Variants in TFCP2 observed in about 807,000 individuals in gnomAD.
The protein encoded by TFCP2 is transcription factor CP2, also known as alpha-globin transcription factor CP2.
In TFCP2, 33 loss-of-function variants were observed where a neutral mutation model predicts 73.4. That is an observed-to-expected ratio of 0.45 (90% CI 0.34 to 0.60). The LOEUF (loss-of-function observed/expected upper bound fraction) is 0.60. Among genes scored for constraint, TFCP2 ranks in the 20% least tolerant of loss-of-function variants. TFCP2 has a pLI of 0.01. For synonymous variants in TFCP2, 193 were observed against 211.6 expected, an observed-to-expected ratio of 0.91 and a Z score of 0.76; for missense variants, 352 against 604.0, an observed-to-expected ratio of 0.58 and a Z score of 4.37.
chr12:51,098,804 G>A lies in TFCP2; in HGVS notation c.1391C>T (p.Thr464Ile). The A allele has an allele frequency of 1.2e-6, 2 of 1,614,116 alleles. No individual in the cohort carries two copies. The highest frequency in any genetic ancestry group is 2.2e-5 in the East Asian group (1 of 44,874). ...QISQIYKQGP[T>I]GIHVLISDEM... is the part of the protein sequence containing the mutation. ...ATCACTGATGAGCACATGAATTCCT[G>A]TTGGCCCCTGCTTGTAAATCTGGCT... Residue 464 changes from threonine (T) to isoleucine (I), a missense_variant, in exon 13 of 15, where the codon ACA becomes ATA. Physicochemically the swap from Thr to Ile is moderately conservative, Grantham distance 89 (BLOSUM62 -1). Around this residue, in one of 6 missense-constraint regions of TFCP2, gnomAD observed 194 missense variants for 256.3 expected, o/e 0.76. Transcript: ENST00000257915.
chr12:51,100,534 G>A (rs1940084708), intron 11 of TFCP2, among the ~76,000 whole-genome samples: 1 of 152,132 alleles, frequency 6.6e-6, no homozygotes, highest in African/African-American at 2.4e-5. Flanking sequence ...AAACAAATAT[G>A]ACCAGGCACG....
rs1356439023 is a variant in TFCP2 at position 51,128,491 on chromosome 12, AAC to A, written c.123-9721_123-9720del. ...AAAGTATAATAATAAAAAAAAAAAA[AAC>A]AAAAAAAACAAACTAGTATTGGGAA... On this transcript the variant is annotated intron_variant, in intron 1 of 14. Transcript: ENST00000257915. 4.9e-3 allele frequency among the ~76,000 whole-genome samples: 736 copies of A among 149,354 alleles called. 5 individuals are homozygous for A. The highest frequency in any genetic ancestry group is 0.017 in the African/African-American group (679 of 40,606).
chr12:51,159,112 G>C (rs764696581), intron 1 of TFCP2, among the ~76,000 whole-genome samples: 125 of 148,398 alleles, frequency 8.4e-4, no homozygotes, highest in Middle Eastern at 6.9e-3. Flanking sequence ...TCAGGAGGCG[G>C]AGGTTGCAGT....
intron 7 of TFCP2, 42 bp from the exon 8 acceptor site, chr12:51,106,655 G>T: frequency 1.3e-6 from 2 of 1,520,392 alleles, no homozygotes; most frequent in Non-Finnish European, 1.8e-6. Context: ...GAGCACATAT[G>T]ACCCCAGGAT....
chr12:51,150,512 A>G (rs1031515407), intron 1 of TFCP2, among the ~76,000 whole-genome samples: 2 of 152,204 alleles, frequency 1.3e-5, no homozygotes, highest in African/African-American at 2.4e-5. Context: ...CGTTTGCAGC[A>G]AAACAGGGCG....
intron 4 of TFCP2, among the ~76,000 whole-genome samples, chr12:51,113,936 C>T (rs530321543): frequency 7.2e-5 from 11 of 152,074 alleles, no homozygotes; most frequent in Middle Eastern, 3.4e-3. Flanking sequence ...TATACAAACA[C>T]GAACTCAAAA....
At chr12:51,111,398 G>A (rs975831083) in intron 4 of TFCP2, among the ~76,000 whole-genome samples, 24 of 151,838 alleles carry the variant, frequency 1.6e-4, no homozygotes, top group Non-Finnish European at 2.8e-4. Flanking sequence ...CACCCACCTT[G>A]GCCTCCTAAA....
chr12:51,127,962 C>T (rs1940849613), intron 1 of TFCP2, among the ~76,000 whole-genome samples: 1 of 151,270 alleles, frequency 6.6e-6, no homozygotes, highest in South Asian at 2.1e-4. Flanking sequence ...CTCTGTTGTC[C>T]AAGAGGGAGT....
chr12:51,148,739 T>C (rs568866072), intron 1 of TFCP2, among the ~76,000 whole-genome samples: 1 of 146,952 alleles, frequency 6.8e-6, no homozygotes, highest in East Asian at 2.0e-4. Context: ...AAATGTGGTA[T>C]ATAGGCCAGG....
chr12:51,126,299 T>A, intron 1 of TFCP2, among the ~76,000 whole-genome samples: 1 of 145,408 alleles, frequency 6.9e-6, no homozygotes, highest in South Asian at 2.2e-4. Context: ...ATAAGTTGAG[T>A]GTATGTTAAA....
chr12:51,102,782 C>A (rs1448429596), intron 10 of TFCP2, among the ~76,000 whole-genome samples: 1 of 152,082 alleles, frequency 6.6e-6, no homozygotes, highest in Non-Finnish European at 1.5e-5. Context: ...TGTTCCCTAA[C>A]ACCAATCCTC....
rs117402882 is a variant in TFCP2, at chr12:51,169,639, C to T, written c.122+2662G>A. On this transcript the variant is annotated intron_variant, in intron 1 of 14. Transcript: ENST00000257915. Reference sequence around the variant, plus strand: ...TCGGAAGGCTGAAGTGAGAGGATCACTTGAGCCCGGGAGATGGAAGTTCTA... The same window carrying T: ...TCGGAAGGCTGAAGTGAGAGGATCATTTGAGCCCGGGAGATGGAAGTTCTA... 5.0e-4 allele frequency among the ~76,000 whole-genome samples: 76 copies of T among 152,302 alleles called. No homozygotes were observed. The East Asian group carries it at 0.013, about 25-fold the overall frequency.
intron 1 of TFCP2, among the ~76,000 whole-genome samples, chr12:51,166,942 C>T (rs981998915): frequency 6.6e-6 from 1 of 152,116 alleles, no homozygotes; most frequent in African/African-American, 2.4e-5. Flanking sequence ...TTTTTAACAC[C>T]CTGAAAAGAA....
chr12:51,157,839 T>C (rs938311130), intron 1 of TFCP2, among the ~76,000 whole-genome samples: 1 of 151,476 alleles, frequency 6.6e-6, no homozygotes, highest in Admixed American at 6.6e-5. Context: ...CATAGGCGTG[T>C]ACTAATTTTT....
intron 4 of TFCP2, 124 bp from the exon 5 acceptor site, chr12:51,111,107 C>A: frequency 3.4e-6 from 2 of 588,368 alleles, no homozygotes; most frequent in Non-Finnish European, 5.7e-6. Context: ...TCCTAAATTT[C>A]TTTGTTTTTT....
At position 51,172,175 on chromosome 12, in the gene TFCP2, C is replaced by G. The variant is rs1440807698; in HGVS notation, c.122+126G>C. 2.2e-6 allele frequency: 3 copies of G among 1,340,118 alleles called. No individual in the cohort carries two copies. In the African/African-American group the frequency reaches 4.4e-5, roughly 20 times the overall value. 83.0% of individuals were successfully genotyped at this position (1,340,118 alleles called of 1,614,324 possible). On this transcript the variant is annotated intron_variant, in intron 1 of 14. Coordinates refer to ENST00000257915, the MANE Select transcript of TFCP2 (RefSeq NM_005653.5). ...TACTCAAAGCGACAAAAGAACAAGTCCCTTTTCCCCAATCGTAAACAGCTT... is the reference window on the plus strand; with the variant it reads ...TACTCAAAGCGACAAAAGAACAAGTGCCTTTTCCCCAATCGTAAACAGCTT...
chr12:51,145,544 T>TG (rs1278029650), intron 1 of TFCP2, among the ~76,000 whole-genome samples: 1 of 111,838 alleles, frequency 8.9e-6, no homozygotes, highest in Admixed American at 1.3e-4. Context: ...CATTCCAGCC[T>TG]GGGTGATGGA....
chr12:51,117,133 C>G (rs1371902375), intron 3 of TFCP2, among the ~76,000 whole-genome samples: 1 of 152,172 alleles, frequency 6.6e-6, no homozygotes, highest in Non-Finnish European at 1.5e-5. Context: ...CCTGTAAACA[C>G]TGAGGGTAGG....
intron 8 of TFCP2, among the ~76,000 whole-genome samples, chr12:51,105,472 G>A (rs4438107): frequency 0.43 from 65,983 of 151,998 alleles, 16,056 homozygotes; most frequent in Non-Finnish European, 0.56. Flanking sequence ...AGTTTAACTA[G>A]TATGAAGTAC....
Sources: gnomAD v4.1 joint callset for allele counts (sites outside exome capture counted in the v4.1 genomes callset) on GRCh38, gnomAD v4.1.1 for gene constraint, gnomAD v4.1.1 regional missense constraint, MANE v1.5 for transcripts, NCBI Gene and HGNC (gene_info 2026-07-23, HGNC 2026-07-21) for gene names.